Variants in NDUFS4 observed in about 807,000 individuals in gnomAD.
NDUFS4 encodes the protein NADH dehydrogenase [ubiquinone] iron-sulfur protein 4, mitochondrial.
A neutral mutation model predicts 24.3 loss-of-function variants in NDUFS4; 28 were observed. That is an observed-to-expected ratio of 1.15 (90% CI 0.85 to 1.58). The LOEUF is 1.58. Among genes scored for constraint, NDUFS4 ranks in the 40% most tolerant of loss-of-function variants. NDUFS4 has a pLI of 0.00. For missense variants in NDUFS4, 223 were observed against 207.9 expected (o/e 1.07, Z -0.45); for synonymous variants, 93 against 69.7 (o/e 1.34, Z -1.67).
At chr5:53,626,350 T>C (rs1751225707) in intron 2 of NDUFS4, among the ~76,000 whole-genome samples, 1 of 152,208 alleles carries the variant, frequency 6.6e-6, no homozygotes, top group Non-Finnish European at 1.5e-5. Flanking sequence ...TAAACATGTG[T>C]GCCTGTGTCT....
chr5:53,604,770 C>T (rs984989326), intron 2 of NDUFS4: 2 of 456,132 alleles, frequency 4.4e-6, no homozygotes, highest in Non-Finnish European at 8.8e-6. Context: ...CTAGCCACAC[C>T]AAGCCTGGAA....
intron 1 of NDUFS4, among the ~76,000 whole-genome samples, chr5:53,600,358 G>A (rs1408303323): frequency 6.6e-6 from 1 of 151,860 alleles, no homozygotes; most frequent in African/African-American, 2.4e-5. Context: ...TGCCCAGGCT[G>A]GAGTGCAGTG....
chr5:53,619,166 G>A (rs901677818), intron 2 of NDUFS4, among the ~76,000 whole-genome samples: 2 of 147,188 alleles, frequency 1.4e-5, no homozygotes, highest in South Asian at 4.3e-4. Flanking sequence ...GTAAGGCATA[G>A]ACATATCAAA....
At chr5:53,658,512 C>T in intron 3 of NDUFS4, 39 bp from the exon 4 acceptor site, 1 of 1,415,448 alleles carries the variant, frequency 7.1e-7, no homozygotes, top group Non-Finnish European at 1.0e-6. Context: ...TCAGCTAAAG[C>T]TTAATGTTAA....
intron 2 of NDUFS4, among the ~76,000 whole-genome samples, chr5:53,644,947 T>C (rs1751815924): frequency 1.3e-5 from 2 of 152,104 alleles, no homozygotes; most frequent in African/African-American, 2.4e-5. Flanking sequence ...TTCGTGTTTT[T>C]CCCACTAGTA....
intron 2 of NDUFS4, among the ~76,000 whole-genome samples, chr5:53,612,815 G>T (rs148616248): frequency 6.6e-5 from 10 of 152,136 alleles, no homozygotes; most frequent in Admixed American, 5.2e-4. Flanking sequence ...CAATTTTTTT[G>T]TCAATTTGTA....
At chr5:53,631,656 A>G (rs1248968251) in intron 2 of NDUFS4, among the ~76,000 whole-genome samples, 2 of 152,170 alleles carry the variant, frequency 1.3e-5, no homozygotes, top group African/African-American at 4.8e-5. Flanking sequence ...TGAACTTCCC[A>G]GCAGCATTGT....
chr5:53,660,307 T>C (rs1752295999), intron 4 of NDUFS4, among the ~76,000 whole-genome samples: 1 of 152,078 alleles, frequency 6.6e-6, no homozygotes, highest in Admixed American at 6.6e-5. Context: ...GCTTCATCCA[T>C]GTCCCTACAA....
intron 4 of NDUFS4, among the ~76,000 whole-genome samples, chr5:53,674,381 C>G (rs1229799509): frequency 6.6e-6 from 1 of 152,166 alleles, no homozygotes; most frequent in African/African-American, 2.4e-5. Context: ...ATTTTATGGT[C>G]TACTTCAAGG....
intron 2 of NDUFS4, among the ~76,000 whole-genome samples, chr5:53,645,859 A>T (rs1276093648): frequency 6.6e-6 from 1 of 152,124 alleles, no homozygotes; most frequent in Non-Finnish European, 1.5e-5. Flanking sequence ...CCCTTTTCAT[A>T]TTTCCTTTGT....
intron 4 of NDUFS4, among the ~76,000 whole-genome samples, chr5:53,667,702 A>T (rs1339300187): frequency 6.6e-6 from 1 of 152,160 alleles, no homozygotes; most frequent in Admixed American, 6.5e-5. Context: ...TAAAAAAAAA[A>T]GGTTCAGATG....
chr5:53,670,703 A>G (rs1463537091), intron 4 of NDUFS4, among the ~76,000 whole-genome samples: 1 of 151,186 alleles, frequency 6.6e-6, no homozygotes, highest in Admixed American at 6.6e-5. Flanking sequence ...CTCATATCCA[A>G]CTTGGAAAAG....
At position 53,597,555 on chromosome 5, in the gene NDUFS4, AT is replaced by A. The variant is rs200104879; in HGVS notation, c.99-5892del. Among the ~76,000 whole-genome samples the A allele has an allele frequency of 6.3e-3, 952 of 152,288 alleles. 4 individuals are homozygous for A. Among genetic ancestry groups the A allele is most frequent in the Middle Eastern group, 0.02 (6 of 294 alleles). On this transcript the variant is annotated intron_variant, in intron 1 of 4. Transcript: ENST00000296684. ...GGGTCAGTAGTGTTGTTTAGATACT[AT>A]TTTTCAGTGTAATGTTTTAAAAATC...
chr5:53,641,164 A>G (rs192655127), intron 2 of NDUFS4, among the ~76,000 whole-genome samples: 163 of 152,220 alleles, frequency 1.1e-3, no homozygotes, highest in Admixed American at 1.8e-3. Flanking sequence ...GTTATTTAGT[A>G]CTCATTTTGG....
intron 2 of NDUFS4, among the ~76,000 whole-genome samples, chr5:53,604,520 A>G (rs1339829339): frequency 4.6e-5 from 7 of 152,196 alleles, no homozygotes; most frequent in Admixed American, 4.6e-4. Context: ...CTAGATTTCT[A>G]CAGTAGTCTT....
intron 1 of NDUFS4, among the ~76,000 whole-genome samples, chr5:53,570,151 A>G (rs922624259): frequency 2.6e-5 from 4 of 152,196 alleles, no homozygotes; most frequent in African/African-American, 9.7e-5. Flanking sequence ...GCAGAATACC[A>G]AAAGACTTCA....
chr5:53,632,017 G>A (rs1035984602), intron 2 of NDUFS4, among the ~76,000 whole-genome samples: 14 of 152,114 alleles, frequency 9.2e-5, no homozygotes, highest in African/African-American at 2.9e-4. Flanking sequence ...GTTCTGCTTC[G>A]GCTCGCCCTC....
At chr5:53,565,348 C>T (rs1748984625) in intron 1 of NDUFS4, among the ~76,000 whole-genome samples, 1 of 152,336 alleles carries the variant, frequency 6.6e-6, no homozygotes, top group East Asian at 1.9e-4. Flanking sequence ...TATATACACT[C>T]ATATTTGCAA....
chr5:53,662,140 A>T (rs936491079), intron 4 of NDUFS4, among the ~76,000 whole-genome samples: 1 of 152,226 alleles, frequency 6.6e-6, no homozygotes, highest in Non-Finnish European at 1.5e-5. Flanking sequence ...GGTTTGTCAT[A>T]GATAGCTCTT....
Sources: allele counts gnomAD v4.1 joint callset (sites outside exome capture counted in the v4.1 genomes callset), GRCh38; gene constraint gnomAD v4.1.1; transcripts MANE v1.5; gene names NCBI Gene and HGNC (gene_info 2026-07-23, HGNC 2026-07-21).